Variants in CEP63 observed in about 807,000 individuals in gnomAD.
CEP63 encodes centrosomal protein of 63 kDa.
A neutral mutation model predicts 89.1 loss-of-function variants in CEP63; 84 were observed. The ratio of observed to expected loss-of-function variants is 0.94; its 90% confidence interval spans 0.79 to 1.13. The LOEUF is 1.13. Ranked by LOEUF, CEP63 falls within the 50% of genes most tolerant of loss-of-function variation. The pLI is 0.00. For missense variants in CEP63, 838 were observed against 813.3 expected, an observed-to-expected ratio of 1.03 and a Z score of -0.37; for synonymous variants, 267 against 272.5, an observed-to-expected ratio of 0.98 and a Z score of 0.20.
Position 134,574,841 on chromosome 3 carries a change from C to T in CEP63, c.1378C>T (p.Gln460Ter). ...CAGTCTGGTTTTGAACTTCGGGATTCAAGCAATCCGCCAGCCTCAGCGTCC... is the reference window on the plus strand; with the variant it reads ...CAGTCTGGTTTTGAACTTCGGGATTTAAGCAATCCGCCAGCCTCAGCGTCC... Residue 460 changes from glutamine (Q) to a stop codon, truncating the protein, a stop_gained, in exon 12 of 12, where the codon CAA (glutamine) becomes TAA (stop). Transcript: ENST00000354446. LOFTEE classifies it high-confidence loss of function. 1.6e-6 allele frequency: 1 copy of T among 632,746 alleles called. No homozygotes were observed. Among genetic ancestry groups the T allele is most frequent in the East Asian group, 3.0e-5 (1 of 33,646 alleles). 39.2% of individuals were successfully genotyped at this position (632,746 alleles called of 1,614,324 possible). A position where few individuals can be genotyped will look rare whatever the true frequency, so the allele number is the denominator to read the frequency against.
At chr3:134,500,805 G>A (rs1043051674) in intron 2 of CEP63, among the ~76,000 whole-genome samples, 1 of 151,340 alleles carries the variant, frequency 6.6e-6, no homozygotes, top group Non-Finnish European at 1.5e-5. Context: ...TCTGTCGGTA[G>A]TTTTTTTTTC....
At chr3:134,729,245 C>T in the CEP63 span, among the ~76,000 whole-genome samples, 1 of 152,198 alleles carries the variant, frequency 6.6e-6, no homozygotes, top group Non-Finnish European at 1.5e-5. Context: ...CTCCCATCCT[C>T]ACACCAGGGG....
At chr3:134,547,066 A>T (rs182465438) in intron 8 of CEP63, among the ~76,000 whole-genome samples, 97 of 152,338 alleles carry the variant, frequency 6.4e-4, no homozygotes, top group Middle Eastern at 6.8e-3. Context: ...CAGGGTTTCA[A>T]GTGTCACTGA....
the CEP63 span, chr3:134,628,156 C>T: frequency 3.3e-6 from 1 of 302,530 alleles, no homozygotes; most frequent in Non-Finnish European, 6.3e-6. Flanking sequence ...GAGTTTCCTG[C>T]TTTCTTGAAT....
At chr3:134,685,563 T>C in the CEP63 span, among the ~76,000 whole-genome samples, 1 of 148,100 alleles carries the variant, frequency 6.8e-6, no homozygotes, top group Admixed American at 6.8e-5. Flanking sequence ...TTTATCCCTT[T>C]CTGAAGAATG....
chr3:134,612,751 C>CTGTGTGTGTG, the CEP63 span, among the ~76,000 whole-genome samples: 10,256 of 125,316 alleles, frequency 0.082, 600 homozygotes, highest in East Asian at 0.15. Context: ...CACGCCGATG[C>CTGTGTGTGTG]TGTGTGTGTG....
intron 3 of CEP63, among the ~76,000 whole-genome samples, chr3:134,527,435 C>T (rs928307853): frequency 6.6e-6 from 1 of 152,120 alleles, no homozygotes; most frequent in Non-Finnish European, 1.5e-5. Context: ...GGAGGCAGGG[C>T]TGGCTGGTTT....
the CEP63 span, among the ~76,000 whole-genome samples, chr3:134,649,183 A>T: frequency 6.6e-6 from 1 of 152,170 alleles, no homozygotes; most frequent in Non-Finnish European, 1.5e-5. Context: ...TCAGAAAAAT[A>T]TTTGGAGAAA....
chr3:134,755,299 G>C, the CEP63 span, among the ~76,000 whole-genome samples: 1 of 152,178 alleles, frequency 6.6e-6, no homozygotes, highest in African/African-American at 2.4e-5. Flanking sequence ...CCAGGAGAAG[G>C]GGCAGAGCCC....
the CEP63 span, among the ~76,000 whole-genome samples, chr3:134,665,509 G>A: frequency 1.3e-5 from 2 of 152,304 alleles, no homozygotes; most frequent in African/African-American, 2.4e-5. Context: ...CCAGGTGGTC[G>A]CTGAAAAGCC....
In CEP63 at chr3:134,545,355, C is replaced by T. The variant is rs537996662; in HGVS notation, c.556-231C>T. Among the ~76,000 whole-genome samples the T allele has an allele frequency of 1.3e-5, 2 of 152,136 alleles. 1 individual carries two copies. The highest frequency in any genetic ancestry group is 4.8e-5 in the African/African-American group (2 of 41,500). On this transcript the variant is annotated intron_variant, in intron 6 of 14. Transcript: ENST00000675561. The stretch of plus-strand genomic sequence containing the variant: ...CATGTTTCCAGGCTGATCTCGAACT[C>T]CTGAGCTCAAGCGATCTGCCTGCCT...
At chr3:134,528,569 C>CGTGTGTGTGTGTGTGT (rs34415967) in intron 3 of CEP63, among the ~76,000 whole-genome samples, 2,394 of 147,104 alleles carry the variant, frequency 0.016, 45 homozygotes, top group South Asian at 0.055. Context: ...TGTGTGTGTG[C>CGTGTGTGTGTGTGTGT]GTGTGTGTGT....
At chr3:134,711,410 C>G in the CEP63 span, among the ~76,000 whole-genome samples, 5 of 152,118 alleles carry the variant, frequency 3.3e-5, no homozygotes, top group Admixed American at 1.3e-4. Context: ...CCTGGTTTCC[C>G]TTCAGGCCTT....
At chr3:134,629,322 G>C in the CEP63 span, 1 of 370,558 alleles carries the variant, frequency 2.7e-6, no homozygotes, top group Non-Finnish European at 5.0e-6. Context: ...CCACTTTTCT[G>C]GCAGTAAACA....
At chr3:134,647,907 A>T in the CEP63 span, among the ~76,000 whole-genome samples, 2 of 152,266 alleles carry the variant, frequency 1.3e-5, no homozygotes, top group South Asian at 4.1e-4. Context: ...GTGGGCTAAG[A>T]CCGTCAATCC....
the CEP63 span, chr3:134,629,545 G>C: frequency 8.8e-7 from 1 of 1,135,044 alleles, no homozygotes; most frequent in Non-Finnish European, 1.3e-6. Context: ...AGATGCTTGG[G>C]CTGGGATCTG....
chr3:134,491,096 G>A (rs531795309), intron 1 of CEP63, among the ~76,000 whole-genome samples: 19 of 152,330 alleles, frequency 1.2e-4, no homozygotes, highest in Non-Finnish European at 1.8e-4. Context: ...TAAAAGTAGC[G>A]TTGTTGGATA....
At chr3:134,601,280 C>T in the CEP63 span, among the ~76,000 whole-genome samples, 1 of 152,190 alleles carries the variant, frequency 6.6e-6, no homozygotes, top group Admixed American at 6.5e-5. Context: ...TGCTGATGCC[C>T]TGCGGTGCTT....
At chr3:134,728,497 T>G in the CEP63 span, among the ~76,000 whole-genome samples, 1 of 152,166 alleles carries the variant, frequency 6.6e-6, no homozygotes, top group African/African-American at 2.4e-5. Flanking sequence ...ACTTAGATAA[T>G]TTTCAGATAA....
Sources: allele counts gnomAD v4.1 joint callset (sites outside exome capture counted in the v4.1 genomes callset), GRCh38; gene constraint gnomAD v4.1.1; transcripts MANE v1.5; gene names NCBI Gene and HGNC (gene_info 2026-07-23, HGNC 2026-07-21).